Variants in GINS1 observed in about 807,000 individuals in gnomAD.
GINS1 encodes the protein DNA replication complex GINS protein PSF1.
In GINS1, 26 loss-of-function variants were observed where a neutral mutation model predicts 34.9. That is an observed-to-expected ratio of 0.74 (90% CI 0.55 to 1.03). The LOEUF (loss-of-function observed/expected upper bound fraction) is 1.03. GINS1 is among the 50% of genes least tolerant of loss of function. The pLI is 0.00. For synonymous variants in GINS1, 97 were observed against 84.4 expected (o/e 1.15, Z -0.82); for missense variants, 235 against 237.9 (o/e 0.99, Z 0.08).
intron 4 of GINS1, among the ~76,000 whole-genome samples, chr20:25,424,110 A>C (rs1021287572): frequency 6.6e-5 from 10 of 152,136 alleles, no homozygotes; most frequent in Non-Finnish European, 1.0e-4. Flanking sequence ...TCATACATTG[A>C]GTGTCAGTAT....
At chr20:25,442,486 C>T (rs1418445724) in intron 6 of GINS1, among the ~76,000 whole-genome samples, 2 of 151,930 alleles carry the variant, frequency 1.3e-5, no homozygotes, top group African/African-American at 2.4e-5. Flanking sequence ...TCCTAAAGTG[C>T]GAGGATTACA....
At position 25,446,518 on chromosome 20, in the gene GINS1, TAG is replaced by T. The variant is rs1229394309; in HGVS notation, c.*532_*533del. The T allele has an allele frequency of 1.3e-5, 2 of 152,332 alleles. No individual in the cohort carries two copies. Among genetic ancestry groups the T allele is most frequent in the African/African-American group, 4.8e-5 (2 of 41,452 alleles). The allele number at this position is 152,332 out of a possible 1,614,324, so 9.4% of individuals were successfully genotyped here. ...TTCTGGTCATGTGTATTGTACAAGC[TAG>T]AGAGCTGAATTTCTGAGATACACAT... is the stretch of plus-strand genomic sequence containing the variant. On this transcript the variant is annotated 3_prime_UTR_variant, in exon 7 of 7. Transcript: ENST00000262460.
intron 1 of GINS1, among the ~76,000 whole-genome samples, chr20:25,411,978 C>T (rs2090288487): frequency 6.6e-6 from 1 of 151,622 alleles, no homozygotes; most frequent in South Asian, 2.1e-4. Context: ...ATTGCTGGTG[C>T]ACACCTGTAG....
intron 3 of GINS1, 93 bp from the exon 4 acceptor site, chr20:25,418,012 T>A (rs1568799850): frequency 2.6e-6 from 2 of 778,966 alleles, no homozygotes; most frequent in Non-Finnish European, 4.7e-6. Context: ...GATGTCTGTT[T>A]AGAGCTGGTG....
chr20:25,424,095 C>T (rs6083854), intron 4 of GINS1, among the ~76,000 whole-genome samples: 1 of 152,134 alleles, frequency 6.6e-6, no homozygotes, highest in Admixed American at 6.5e-5. Flanking sequence ...ATGGTGCCAC[C>T]TTTGTCATAC....
chr20:25,420,828 A>G (rs761710177), intron 4 of GINS1: 38 of 959,648 alleles, frequency 4.0e-5, no homozygotes, highest in Non-Finnish European at 4.1e-5. Context: ...AGGAATATAC[A>G]TGGTCTCGTT....
Position 25,417,113 on chromosome 20 carries a change from A to C in GINS1, c.150A>C (p.Ala50=). ...TAAATGCTCCTATCAGGAATGAAGC[A>C]AAGTCAGGTGGACGAAGTGATTTGA... The part of the protein sequence containing the change: ...YEQNQSDVNE[A]KSGGRSDLIP... Residue 50 remains alanine, a synonymous_variant, in exon 3 of 7, where the codon GCA becomes GCC. Coordinates refer to ENST00000262460, the MANE Select transcript of GINS1 (RefSeq NM_021067.5). 6.5e-7 allele frequency: 1 copy of C among 1,544,968 alleles called. No individual in the cohort carries two copies. Among genetic ancestry groups the C allele is most frequent in the Non-Finnish European group, 8.9e-7 (1 of 1,120,438 alleles).
At chr20:25,421,111 C>A (rs2090352659) in intron 4 of GINS1, 1 of 194,972 alleles carries the variant, frequency 5.1e-6, no homozygotes, top group Non-Finnish European at 9.3e-6. Context: ...CACCTAAATT[C>A]AGATCCCTGC....
At chr20:25,418,916 C>T (rs1007777221) in intron 4 of GINS1, among the ~76,000 whole-genome samples, 4 of 152,224 alleles carry the variant, frequency 2.6e-5, no homozygotes, top group Non-Finnish European at 4.4e-5. Flanking sequence ...ACTTTAATCA[C>T]ATGGTTGGTC....
chr20:25,411,491 C>G (rs145728734), intron 1 of GINS1, among the ~76,000 whole-genome samples: 2,488 of 152,206 alleles, frequency 0.016, 42 homozygotes, highest in South Asian at 0.053. Context: ...GTTGGCAGAC[C>G]TATTGGGTAA....
At chr20:25,442,494 A>C (rs1445921238) in intron 6 of GINS1, among the ~76,000 whole-genome samples, 1 of 151,940 alleles carries the variant, frequency 6.6e-6, no homozygotes, top group Non-Finnish European at 1.5e-5. Flanking sequence ...TGCGAGGATT[A>C]CAGGTGTGAA....
Position 25,417,083 on chromosome 20 carries a change from CT to C in GINS1, c.141-16del. ...ATCCTGAAAAGTACATATTTTTTTT[CT>C]TTTTAAATGCTCCTATCAGGAATGA... On this transcript the variant is annotated intron_variant, in intron 2 of 6. Transcript: ENST00000262460. The C allele has an allele frequency of 8.9e-7, 1 of 1,126,484 alleles. No homozygotes were observed. Among genetic ancestry groups the C allele is most frequent in the Non-Finnish European group, 1.3e-6 (1 of 755,974 alleles). 69.8% of individuals were successfully genotyped at this position (1,126,484 alleles called of 1,614,324 possible).
chr20:25,437,298 G>A (rs1875883515), intron 5 of GINS1, among the ~76,000 whole-genome samples: 1 of 152,254 alleles, frequency 6.6e-6, no homozygotes, highest in South Asian at 2.1e-4. Context: ...TTGCACCTCT[G>A]TGATCAGAAA....
intron 5 of GINS1, among the ~76,000 whole-genome samples, chr20:25,438,730 C>T (rs913515961): frequency 6.6e-6 from 1 of 152,014 alleles, no homozygotes; most frequent in African/African-American, 2.4e-5. Flanking sequence ...CTCACAACCA[C>T]ACCCAGCTAA....
chr20:25,440,804 C>G (rs1308473419), intron 5 of GINS1, among the ~76,000 whole-genome samples: 2 of 119,584 alleles, frequency 1.7e-5, no homozygotes, highest in African/African-American at 7.2e-5. Context: ...GAGCAAGACT[C>G]TGTCTCAAAA....
chr20:25,437,186 G>A (rs1238004578), intron 5 of GINS1, among the ~76,000 whole-genome samples: 1 of 152,216 alleles, frequency 6.6e-6, no homozygotes, highest in Non-Finnish European at 1.5e-5. Flanking sequence ...GTGGGAAAAC[G>A]GTGCTAGCCC....
chr20:25,413,056 A>ATTTTTTTTTTTTTTTTTTTTTTT (rs753937496), intron 1 of GINS1, among the ~76,000 whole-genome samples: 1 of 135,956 alleles, frequency 7.4e-6, no homozygotes. Context: ...TCAGTAGTTC[A>ATTTTTTTTTTTTTTTTTTTTTTT]TTTTTTTTTT....
chr20:25,416,125 G>A (rs1250617489), intron 2 of GINS1, among the ~76,000 whole-genome samples: 2 of 152,132 alleles, frequency 1.3e-5, no homozygotes, highest in African/African-American at 4.8e-5. Flanking sequence ...AGATAATGCT[G>A]GTTGCTGTGT....
rs1481407377 is a variant in GINS1 at position 25,448,225 on chromosome 20, A to AAAC, written c.*2235_*2237dup. 6.6e-6 allele frequency: 1 copy of AAAC among 152,162 alleles called. No individual in the cohort carries two copies. Among genetic ancestry groups the AAAC allele is most frequent in the Admixed American group, 6.5e-5 (1 of 15,274 alleles). The allele number at this position is 152,162 out of a possible 1,614,324, so 9.4% of individuals were successfully genotyped here. ...ATTGAGATTGCATTGAATTTATATA[A>AAAC]AACTGTTGGGAGAATTGACATCTTA... On this transcript the variant is annotated 3_prime_UTR_variant, in exon 7 of 7. Transcript: ENST00000262460.
Sources: allele counts gnomAD v4.1 joint callset (sites outside exome capture counted in the v4.1 genomes callset), GRCh38; gene constraint gnomAD v4.1.1; transcripts MANE v1.5; gene names NCBI Gene and HGNC (gene_info 2026-07-23, HGNC 2026-07-21).